The following NEU3 variants were observed in gnomAD, a reference collection of about 807,000 sequenced individuals.
NEU3 encodes sialidase-3.
In NEU3, 10 loss-of-function variants were observed where a neutral mutation model predicts 11.4. That is an observed-to-expected ratio of 0.88 (90% confidence interval 0.54 to 1.49). The LOEUF (loss-of-function observed/expected upper bound fraction) is 1.49, where lower values mean the gene tolerates loss of function less well. Ranked by LOEUF, NEU3 falls within the 40% of genes most tolerant of loss-of-function variation. NEU3 has a pLI of 0.00. For missense variants in NEU3, 529 were observed against 581.8 expected (o/e 0.91, Z 0.93); for synonymous variants, 212 against 228.2 (o/e 0.93, Z 0.64).
intron 2 of NEU3, among the ~76,000 whole-genome samples, chr11:75,001,892 T>C (rs1948847466): frequency 6.6e-6 from 1 of 152,208 alleles, no homozygotes; most frequent in South Asian, 2.1e-4. Flanking sequence ...TTTAGTGTGC[T>C]CAGGGCACTC....
At chr11:75,001,345 A>G (rs1212200338) in intron 2 of NEU3, among the ~76,000 whole-genome samples, 1 of 148,832 alleles carries the variant, frequency 6.7e-6, no homozygotes, top group Admixed American at 6.7e-5. Flanking sequence ...ACAGTGGTCA[A>G]CTCGGCTCAC....
In NEU3 at chr11:75,010,140, C is replaced by T. The variant is rs562877963; in HGVS notation, c.*3648C>T. 194 of 152,354 alleles carry T rather than the reference C, an allele frequency of 1.3e-3. 1 individual carries two copies. Among genetic ancestry groups the T allele is most frequent in the African/African-American group, 4.4e-3 (182 of 41,574 alleles). 9.4% of individuals were successfully genotyped at this position (152,354 alleles called of 1,614,324 possible). A position where few individuals can be genotyped will look rare whatever the true frequency, so the allele number is the denominator to read the frequency against. On this transcript the variant is annotated 3_prime_UTR_variant, in exon 3 of 3. Coordinates refer to ENST00000294064, the MANE Select transcript of NEU3 (RefSeq NM_006656.6). ...TCCCTTTGGTCCTTACCATAGGCTG[C>T]CATGTATTATTGTCTATGTTGTGCC... is the stretch of plus-strand genomic sequence containing the variant.
intron 2 of NEU3, among the ~76,000 whole-genome samples, chr11:75,002,458 C>T (rs1054224631): frequency 3.3e-5 from 5 of 152,114 alleles, no homozygotes; most frequent in Non-Finnish European, 7.4e-5. Context: ...ATTCCCCTAC[C>T]TCTTATAGGC....
At chr11:74,991,662 C>G (rs1398064295) in intron 1 of NEU3, among the ~76,000 whole-genome samples, 1 of 152,186 alleles carries the variant, frequency 6.6e-6, no homozygotes, top group Non-Finnish European at 1.5e-5. Context: ...CCACCTCTGC[C>G]CCCATCCCTT....
chr11:74,987,021 C>T (rs1791356481), upstream of NEU3, among the ~76,000 whole-genome samples: 1 of 152,108 alleles, frequency 6.6e-6, no homozygotes, highest in South Asian at 2.1e-4. Flanking sequence ...AAAAGGTGAG[C>T]AATAAGGGTG....
downstream of NEU3, among the ~76,000 whole-genome samples, chr11:75,019,477 G>T (rs947213962): frequency 2.0e-5 from 3 of 152,222 alleles, no homozygotes; most frequent in Admixed American, 6.5e-5. Flanking sequence ...TAGAGCTTGG[G>T]CCATGGCTTC....
At chr11:74,991,115 C>G (rs1223007659) in intron 1 of NEU3, among the ~76,000 whole-genome samples, 1 of 152,200 alleles carries the variant, frequency 6.6e-6, no homozygotes, top group Admixed American at 6.5e-5. Flanking sequence ...ATAGTCCTGG[C>G]CTGGTCCAAA....
chr11:74,997,653 G>T (rs1360974286), intron 2 of NEU3, among the ~76,000 whole-genome samples: 1 of 136,372 alleles, frequency 7.3e-6, no homozygotes, highest in Non-Finnish European at 1.5e-5. Flanking sequence ...AGACCAGCCT[G>T]ACCAACATGC....
upstream of NEU3, among the ~76,000 whole-genome samples, chr11:74,984,702 T>C (rs1372015176): frequency 1.3e-5 from 2 of 152,208 alleles, no homozygotes; most frequent in African/African-American, 4.8e-5. Context: ...AACTTTTATA[T>C]AATTCTGCTC....
At chr11:74,998,942 T>C (rs1339347117) in intron 2 of NEU3, among the ~76,000 whole-genome samples, 1 of 152,244 alleles carries the variant, frequency 6.6e-6, no homozygotes, top group East Asian at 1.9e-4. Context: ...CATCGTCATG[T>C]TGCACTGTTT....
In NEU3 at chr11:74,999,106, G is replaced by A. The variant is rs534803672; in HGVS notation, c.306+4386G>A. On this transcript the variant is annotated intron_variant, in intron 2 of 2. Coordinates refer to ENST00000294064, the MANE Select transcript of NEU3 (RefSeq NM_006656.6). ...TACGACTACAGGTGTACACCACTGT[G>A]CCCAGCCTTTTAAATTTTAACTGTC... 2.6e-5 allele frequency among the ~76,000 whole-genome samples: 4 copies of A among 151,918 alleles called. No homozygotes were observed. In the South Asian group the frequency reaches 8.3e-4, roughly 32 times the overall value.
At chr11:75,001,123 A>G (rs1948840268) in intron 2 of NEU3, among the ~76,000 whole-genome samples, 1 of 151,926 alleles carries the variant, frequency 6.6e-6, no homozygotes, top group Admixed American at 6.6e-5. Context: ...GACATTTGTC[A>G]TTTTCTGGTG....
chr11:74,982,568 G>GA, the NEU3 span, among the ~76,000 whole-genome samples: 1 of 152,044 alleles, frequency 6.6e-6, no homozygotes, highest in Admixed American at 6.5e-5. Context: ...CAGCTTTAAG[G>GA]AAAAAAAGCT....
rs1224310617 is a variant in NEU3, at chr11:75,005,810, T to A, written c.704T>A (p.Met235Lys). 6.2e-7 allele frequency: 1 copy of A among 1,613,986 alleles called. No individual in the cohort carries two copies. Among genetic ancestry groups the A allele is most frequent in the Admixed American group, 1.7e-5 (1 of 60,022 alleles). ...TGTAAAACCAGGCCTCATTCTCTGA[T>A]GATCTACAGTGATGACCTAGGGGTC... ...LPCKTRPHSLMIYSDDLGVTW... is the reference protein window; with the variant it reads ...LPCKTRPHSLKIYSDDLGVTW... The change falls in exon 3 of 3, where the codon ATG (methionine) becomes AAG (lysine). Residue 235 changes from methionine to lysine, a missense_variant. By Grantham distance (95) the Met-to-Lys change is moderately conservative. Coordinates refer to ENST00000294064, the MANE Select transcript of NEU3 (RefSeq NM_006656.6).
chr11:74,987,704 T>C (rs1051648453), upstream of NEU3, among the ~76,000 whole-genome samples: 2 of 151,870 alleles, frequency 1.3e-5, no homozygotes, highest in African/African-American at 4.8e-5. Flanking sequence ...TCCCAGCTAC[T>C]CGGGAGGCTG....
upstream of NEU3, among the ~76,000 whole-genome samples, chr11:74,985,667 T>C (rs1427237350): frequency 6.6e-6 from 1 of 152,184 alleles, no homozygotes; most frequent in Non-Finnish European, 1.5e-5. Flanking sequence ...ATCTGGATCA[T>C]AAGGGAAAAG....
chr11:75,012,566 C>G (rs1206591395), downstream of NEU3, among the ~76,000 whole-genome samples: 5 of 152,142 alleles, frequency 3.3e-5, no homozygotes, highest in African/African-American at 1.2e-4. Context: ...AGTATTAAAC[C>G]TTTTGGCGAT....
chr11:74,996,129 G>A (rs1469186709), intron 2 of NEU3, among the ~76,000 whole-genome samples: 1 of 152,100 alleles, frequency 6.6e-6, no homozygotes, highest in Non-Finnish European at 1.5e-5. Flanking sequence ...CCTCCCGCCT[G>A]GGGGACAGAG....
At position 75,005,409 on chromosome 11, in the gene NEU3, C is replaced by G. The variant is rs1948886492; in HGVS notation, c.307-4C>G. On this transcript the variant is annotated splice_polypyrimidine_tract_variant and splice_region_variant and intron_variant, in intron 2 of 2. Transcript: ENST00000294064. ...CTCCTACTTTCTCCCTTCTCCTTGTCTAGTGGGGGCCCCTGAAGCCACTGA... is the reference window on the plus strand; with the variant it reads ...CTCCTACTTTCTCCCTTCTCCTTGTGTAGTGGGGGCCCCTGAAGCCACTGA... The G allele has an allele frequency of 6.3e-7, 1 of 1,596,488 alleles. No individual in the cohort carries two copies. Among genetic ancestry groups the G allele is most frequent in the African/African-American group, 1.3e-5 (1 of 74,448 alleles).
Sources: allele counts gnomAD v4.1 joint callset (sites outside exome capture counted in the v4.1 genomes callset), GRCh38; gene constraint gnomAD v4.1.1; transcripts MANE v1.5; gene names NCBI Gene and HGNC (gene_info 2026-07-23, HGNC 2026-07-21).